The following CYP2S1 variants were observed in gnomAD, a reference collection of about 807,000 sequenced individuals.
CYP2S1 encodes cytochrome P450 2S1.
A neutral mutation model predicts 43.5 loss-of-function variants in CYP2S1; 32 were observed. That is an observed-to-expected ratio of 0.74 (90% CI 0.56 to 0.99). The LOEUF (loss-of-function observed/expected upper bound fraction) is 0.99, where lower values mean the gene tolerates loss of function less well. Among genes scored for constraint, CYP2S1 ranks in the 50% least tolerant of loss-of-function variants. The pLI, the probability that CYP2S1 is intolerant of heterozygous loss-of-function variation, is 0.00. For synonymous variants in CYP2S1, 283 were observed against 302.9 expected, an observed-to-expected ratio of 0.93 and a Z score of 0.68; for missense variants, 575 against 673.9, an observed-to-expected ratio of 0.85 and a Z score of 1.62.
rs760565459 is a variant in CYP2S1 at position 41,193,322 on chromosome 19, A to G, written c.58A>G (p.Thr20Ala). 368 of 1,540,908 alleles carry G rather than the reference A, an allele frequency of 2.4e-4. No homozygotes were observed. In the Middle Eastern group the frequency reaches 3.6e-3, roughly 15 times the overall value. ...LLALALLLLLTLALSGTRARG... is the reference protein window; with the variant it reads ...LLALALLLLLALALSGTRARG... ...GGCGCTGGCGCTGCTCCTGCTGCTG[A>G]CGCTGGCGCTGTCCGGGACCAGGGC... The change falls in exon 1 of 9, where the codon ACG becomes GCG. Residue 20 changes from threonine to alanine, a missense_variant. Coordinates refer to ENST00000310054, the MANE Select transcript of CYP2S1 (RefSeq NM_030622.8).
chr19:41,207,009 T>TTTTTTTTTTAATG lies in CYP2S1; in HGVS notation c.*521_*522insTTTTTTTTTAATG. 1 of 358,364 alleles carries TTTTTTTTTTAATG rather than the reference T, an allele frequency of 2.8e-6. No individual in the cohort carries two copies. The highest frequency in any genetic ancestry group is 1.0e-3 in the Middle Eastern group (1 of 982). 22.2% of individuals were successfully genotyped at this position (358,364 alleles called of 1,614,324 possible). A position where few individuals can be genotyped will look rare whatever the true frequency, so the allele number is the denominator to read the frequency against. ...CCCAACTCATGCTCCCTCTCTTGGC[T>TTTTTTTTTTAATG]ACACCACTCTCCCAGCCTGTGACCA... On this transcript the variant is annotated 3_prime_UTR_variant, in exon 9 of 9. Transcript: ENST00000310054.
chr19:41,194,766 TGA>T, intron 2 of CYP2S1, 57 bp downstream of exon 2: 1 of 1,570,660 alleles, frequency 6.4e-7, no homozygotes, highest in Non-Finnish European at 8.6e-7. Flanking sequence ...TACTGGTGTG[TGA>T]CCTTTGCACA....
rs370495846 is a variant in CYP2S1, at chr19:41,194,735, C to G, written c.343+26C>G. The G allele has an allele frequency of 2.5e-6, 4 of 1,589,382 alleles. No homozygotes were observed. In the South Asian group the frequency reaches 4.6e-5, roughly 18 times the overall value. ...GTAAGTCAAGGGCTGCTAGGCCCTC[C>G]GCTCACAGCCTGCCACCACTTACTG... On this transcript the variant is annotated intron_variant, in intron 2 of 8. Transcript: ENST00000310054.
At chr19:41,205,883 C>G in intron 7 of CYP2S1, 75 bp from the exon 8 acceptor site, 2 of 1,556,262 alleles carry the variant, frequency 1.3e-6, no homozygotes, top group Non-Finnish European at 1.7e-6. Context: ...GCACCCGAGA[C>G]TTGTACTCCA....
chr19:41,204,462 G>T (rs1467350946), intron 7 of CYP2S1, among the ~76,000 whole-genome samples: 1 of 152,200 alleles, frequency 6.6e-6, no homozygotes, highest in East Asian at 1.9e-4. Flanking sequence ...GAACCAAAAG[G>T]GGGCGATGTT....
At chr19:41,205,917 G>C (rs1351317700) in intron 7 of CYP2S1, 41 bp from the exon 8 acceptor site, 3 of 1,600,466 alleles carry the variant, frequency 1.9e-6, no homozygotes, top group East Asian at 2.2e-5. Context: ...AATGGACTGG[G>C]GTGGGAAGGG....
In CYP2S1 at chr19:41,197,793, A is replaced by C. The variant is rs2033432495; in HGVS notation, c.358A>C (p.Asn120His). 6.2e-7 allele frequency: 1 copy of C among 1,613,844 alleles called. No homozygotes were observed. The highest frequency in any genetic ancestry group is 1.3e-5 in the African/African-American group (1 of 74,900). ...TFDGHGVFFS[N>H]GERWRQLRKF... ...CTTCTGCGCAGGGGTTTTCTTCTCC[A>C]ACGGGGAGCGGTGGAGGCAGCTGAG... Residue 120 changes from asparagine to histidine, a missense_variant, in exon 3 of 9, where the codon AAC becomes CAC. Physicochemically the swap from Asn to His is moderately conservative, Grantham distance 68. Transcript: ENST00000310054.
chr19:41,203,392 G>C, intron 6 of CYP2S1, 58 bp from the exon 7 acceptor site: 1 of 1,486,822 alleles, frequency 6.7e-7, no homozygotes, highest in Non-Finnish European at 9.0e-7. Flanking sequence ...ATGGGCTTCT[G>C]AGAGGAGGAT....
rs1304166119 is a variant in CYP2S1 at position 41,207,241 on chromosome 19, A to C, written c.*753A>C. On this transcript the variant is annotated 3_prime_UTR_variant, in exon 9 of 9. Coordinates refer to ENST00000310054, the MANE Select transcript of CYP2S1 (RefSeq NM_030622.8). ...AACACATCTGGGTCTGCGATTATGC[A>C]CAGAGACTTTGGACATACGAGGACC... 2 of 237,560 alleles carry C rather than the reference A, an allele frequency of 8.4e-6. No individual in the cohort carries two copies. Among genetic ancestry groups the C allele is most frequent in the East Asian group, 9.9e-5 (1 of 10,084 alleles). The allele number at this position is 237,560 out of a possible 1,614,324, so 14.7% of individuals were successfully genotyped here.
In CYP2S1 at chr19:41,198,222, G is replaced by A. The variant is rs780356160; in HGVS notation, c.494-240G>A. Among the ~76,000 whole-genome samples the A allele has an allele frequency of 7.3e-5, 11 of 150,962 alleles. No individual in the cohort carries two copies. Among genetic ancestry groups the A allele is most frequent in the Non-Finnish European group, 1.3e-4 (9 of 67,742 alleles). ...CTCTCTCCTTTCCTCTATTTTTTGG[G>A]CCCTCAGTCTATCTCTGTTTCTGTC... On this transcript the variant is annotated intron_variant, in intron 3 of 8. Coordinates refer to ENST00000310054, the MANE Select transcript of CYP2S1 (RefSeq NM_030622.8). The surrounding 1 kb of genome is among the most constrained non-coding windows in gnomAD (Gnocchi z 4.9).
At chr19:41,195,776 G>A (rs944604688) in intron 2 of CYP2S1, among the ~76,000 whole-genome samples, 1 of 152,088 alleles carries the variant, frequency 6.6e-6, no homozygotes, top group Non-Finnish European at 1.5e-5. Context: ...GACTGGGCAC[G>A]CTGGCTCATG....
In CYP2S1 at chr19:41,198,765, C is replaced by T. The variant is rs1568400361; in HGVS notation, c.711C>T (p.Leu237=). The T allele has an allele frequency of 6.2e-7, 1 of 1,614,224 alleles. No individual in the cohort carries two copies. Among genetic ancestry groups the T allele is most frequent in the Non-Finnish European group, 8.5e-7 (1 of 1,180,040 alleles). The change falls in exon 5 of 9, where the codon CTC becomes CTT. Residue 237 remains leucine, a synonymous_variant. Coordinates refer to ENST00000310054, the MANE Select transcript of CYP2S1 (RefSeq NM_030622.8). This position sits in a 1 kb window ranked among gnomAD's most constrained non-coding sequence, Gnocchi z 4.9. ...LRPLPGPHKQ[L]LHHVSTLAAF... Reference sequence around the variant, plus strand: ...CCCTGCCAGGCCCCCACAAGCAGCTCCTCCACCACGTCAGCACCTTGGCTG... The same window carrying T: ...CCCTGCCAGGCCCCCACAAGCAGCTTCTCCACCACGTCAGCACCTTGGCTG...
chr19:41,196,117 C>G (rs376360320), intron 2 of CYP2S1, among the ~76,000 whole-genome samples: 3 of 152,010 alleles, frequency 2.0e-5, no homozygotes, highest in Non-Finnish European at 1.5e-5. Flanking sequence ...GAAGGCTTCT[C>G]AGAGAAGGTG....
chr19:41,203,785 C>G (rs1320944529), intron 7 of CYP2S1, 148 bp downstream of exon 7: 2 of 859,276 alleles, frequency 2.3e-6, no homozygotes, highest in Non-Finnish European at 3.3e-6. Context: ...TTCTCTGTCT[C>G]TGTCTTCCTC....
At chr19:41,204,584 T>C (rs1222692146) in intron 7 of CYP2S1, among the ~76,000 whole-genome samples, 13 of 146,298 alleles carry the variant, frequency 8.9e-5, no homozygotes, top group Non-Finnish European at 1.5e-5. Context: ...TTTCTTTTTC[T>C]TCTTCTTCTT....
chr19:41,198,544 C>T lies in CYP2S1; in HGVS notation c.576C>T (p.Ser192=). The T allele has an allele frequency of 6.2e-7, 1 of 1,614,192 alleles. No homozygotes were observed. The highest frequency in any genetic ancestry group is 8.5e-7 in the Non-Finnish European group (1 of 1,180,022). ...CCCTCCTCTTTGGCCTCCGCTTCTC[C>T]TATGAGGATAAGGAGTTCCAGGCCG... is the stretch of plus-strand genomic sequence containing the variant. ...VCSLLFGLRF[S]YEDKEFQAVV... The change falls in exon 4 of 9, where the codon TCC becomes TCT. Residue 192 remains serine, a synonymous_variant. Coordinates refer to ENST00000310054, the MANE Select transcript of CYP2S1 (RefSeq NM_030622.8). The surrounding 1 kb of genome is among the most constrained non-coding windows in gnomAD (Gnocchi z 4.9).
At chr19:41,193,597 G>A in intron 1 of CYP2S1, 156 bp downstream of exon 1, 1 of 1,316,398 alleles carries the variant, frequency 7.6e-7, no homozygotes, top group Admixed American at 3.6e-5. Flanking sequence ...GTTGGGGGCA[G>A]GAGCAGGTTG....
At chr19:41,199,007 C>A in intron 5 of CYP2S1, 119 bp downstream of exon 5, 2 of 1,251,862 alleles carry the variant, frequency 1.6e-6, no homozygotes, top group Non-Finnish European at 2.2e-6. Flanking sequence ...CTGCATGTCT[C>A]TGTGAGTATG....
chr19:41,194,260 C>T (rs370716985), intron 1 of CYP2S1, among the ~76,000 whole-genome samples: 2 of 152,102 alleles, frequency 1.3e-5, no homozygotes, highest in African/African-American at 4.8e-5. Flanking sequence ...GAGACCCAAA[C>T]TGCTTCTGGA....
Sources: allele counts gnomAD v4.1 joint callset (sites outside exome capture counted in the v4.1 genomes callset), GRCh38; gene constraint gnomAD v4.1.1; non-coding constraint Gnocchi (gnomAD v3.1); transcripts MANE v1.5; gene names NCBI Gene and HGNC (gene_info 2026-07-23, HGNC 2026-07-21).